Variants in SYT6 observed in about 807,000 individuals in gnomAD.
SYT6 encodes the protein synaptotagmin 6.
Under a neutral mutation model 38.4 loss-of-function variants are expected in SYT6, and 24 were observed. That is an observed-to-expected ratio of 0.62 (90% CI 0.45 to 0.88). The LOEUF (loss-of-function observed/expected upper bound fraction) is 0.88, where lower values mean the gene tolerates loss of function less well. Ranked by LOEUF, SYT6 falls within the 40% of genes least tolerant of loss-of-function variation. SYT6 has a pLI of 0.00. For missense variants in SYT6, 611 were observed against 621.0 expected (o/e 0.98, Z 0.17); for synonymous variants, 265 against 241.9 (o/e 1.10, Z -0.89).
chr1:114,111,228 G>C (rs1227721284), intron 3 of SYT6, among the ~76,000 whole-genome samples: 2 of 152,220 alleles, frequency 1.3e-5, no homozygotes, highest in South Asian at 2.1e-4. Context: ...ATAACATTGA[G>C]TGTTTACTAT....
rs1049128292 is a variant in SYT6 at position 114,099,365 on chromosome 1, G to C, written c.1193-100C>G. 3.2e-6 allele frequency: 4 copies of C among 1,240,144 alleles called. No individual in the cohort carries two copies. In the South Asian group the frequency reaches 6.4e-5, roughly 20 times the overall value. The allele number at this position is 1,240,144 out of a possible 1,614,324, so 76.8% of individuals were successfully genotyped here. On this transcript the variant is annotated intron_variant, in intron 4 of 7. Coordinates refer to ENST00000610222, the MANE Select transcript of SYT6 (RefSeq NM_001253772.2). The stretch of plus-strand genomic sequence containing the variant: ...GGACCGAAGCCCTAGACCTACTGCT[G>C]CTCATCAGATGGTATCAGTGGGTTG...
chr1:114,109,964 C>CGG (rs1210961728), intron 3 of SYT6, among the ~76,000 whole-genome samples: 1 of 152,138 alleles, frequency 6.6e-6, no homozygotes, highest in Non-Finnish European at 1.5e-5. Context: ...AGGGAGTGTT[C>CGG]GGGGCGCATG....
intron 3 of SYT6, among the ~76,000 whole-genome samples, chr1:114,112,109 A>G (rs1293616734): frequency 6.6e-6 from 1 of 152,212 alleles, no homozygotes; most frequent in African/African-American, 2.4e-5. Context: ...CTCTGCCCCA[A>G]GGGCCTTGCA....
At chr1:114,112,919 C>T (rs75045986) in intron 3 of SYT6, among the ~76,000 whole-genome samples, 14 of 152,146 alleles carry the variant, frequency 9.2e-5, no homozygotes, top group Admixed American at 2.0e-4. Context: ...GGGGCTGGGA[C>T]TCTCAGCAGG....
Position 114,139,926 on chromosome 1 carries a change from C to G in SYT6, c.201G>C (p.Val67=). Residue 67 remains valine (V), a synonymous_variant, in exon 2 of 8, where the codon GTG becomes GTC. Transcript: ENST00000610222. Reference sequence around the variant, plus strand: ...AAACTGCCACCAGGGCCACGCCACACACAATAACTACAACTGCGAGGAGGC... The same window carrying G: ...AAACTGCCACCAGGGCCACGCCACAGACAATAACTACAACTGCGAGGAGGC... ...SVSLLAVVVI[V]CGVALVAVFL... is the part of the protein sequence containing the mutation. 2.0e-6 allele frequency: 3 copies of G among 1,523,904 alleles called. No homozygotes were observed. In the East Asian group the frequency reaches 6.8e-5, roughly 35 times the overall value. 94.4% of individuals were successfully genotyped at this position (1,523,904 alleles called of 1,614,324 possible).
chr1:114,122,506 T>TGTGTGTGTGTGTGTGTGTGTGTGCGCGC (rs60780339), intron 3 of SYT6, among the ~76,000 whole-genome samples: 1 of 147,288 alleles, frequency 6.8e-6, no homozygotes, highest in African/African-American at 2.5e-5. Context: ...TGTGTGTGTG[T>TGTGTGTGTGTGTGTGTGTGTGTGCGCGC]GCGCGCACAT....
intron 4 of SYT6, among the ~76,000 whole-genome samples, chr1:114,100,705 G>T (rs2101629757): frequency 6.6e-6 from 1 of 152,342 alleles, no homozygotes; most frequent in African/African-American, 2.4e-5. Context: ...AGAGTTTTGA[G>T]AACCGGCATG....
intron 3 of SYT6, among the ~76,000 whole-genome samples, chr1:114,128,434 T>C (rs1181615911): frequency 6.6e-6 from 1 of 152,202 alleles, no homozygotes. Context: ...CCCTAAGCTA[T>C]GGCCCATATA....
intron 2 of SYT6, among the ~76,000 whole-genome samples, chr1:114,138,544 T>C (rs891080539): frequency 6.6e-6 from 1 of 152,212 alleles, no homozygotes; most frequent in African/African-American, 2.4e-5. Flanking sequence ...TTAGCCTGCA[T>C]AGGTTAATTT....
At chr1:114,129,311 C>T (rs1185179279) in intron 3 of SYT6, among the ~76,000 whole-genome samples, 1 of 152,224 alleles carries the variant, frequency 6.6e-6, no homozygotes, top group Non-Finnish European at 1.5e-5. Context: ...CACTGACTTC[C>T]TGCCTTTCCT....
chr1:114,118,418 A>G (rs1031641697), intron 3 of SYT6, among the ~76,000 whole-genome samples: 1 of 152,212 alleles, frequency 6.6e-6, no homozygotes, highest in Non-Finnish European at 1.5e-5. Flanking sequence ...CCCAGGGAGA[A>G]GCCGAGGCAC....
At chr1:114,096,693 G>A (rs2101622410) in intron 6 of SYT6, among the ~76,000 whole-genome samples, 1 of 152,322 alleles carries the variant, frequency 6.6e-6, no homozygotes, top group African/African-American at 2.4e-5. Context: ...GTGTGGGGAG[G>A]GGATGACTCT....
At chr1:114,113,777 T>C (rs1676829679) in intron 3 of SYT6, among the ~76,000 whole-genome samples, 1 of 152,042 alleles carries the variant, frequency 6.6e-6, no homozygotes, top group Non-Finnish European at 1.5e-5. Context: ...CTTCCCTTGC[T>C]CTCCCGCCCC....
intron 3 of SYT6, among the ~76,000 whole-genome samples, chr1:114,129,564 T>TTTTCTTTCTTTCTTTCTTTCTTTC (rs58281086): frequency 1.9e-4 from 22 of 112,940 alleles, no homozygotes; most frequent in South Asian, 6.3e-4. Flanking sequence ...TTTTTCTTTC[T>TTTTCTTTCTTTCTTTCTTTCTTTC]TTTCTTTCTT....
chr1:114,101,279 G>A (rs893468785), intron 4 of SYT6, among the ~76,000 whole-genome samples: 3 of 152,134 alleles, frequency 2.0e-5, no homozygotes, highest in Non-Finnish European at 2.9e-5. Flanking sequence ...ACAGATGACC[G>A]TTCCCTAGGC....
chr1:114,093,699 C>T, intron 7 of SYT6, 36 bp downstream of exon 7: 2 of 1,593,904 alleles, frequency 1.3e-6, no homozygotes, highest in Non-Finnish European at 1.7e-6. Context: ...AGGTAATAAG[C>T]AACCTAACGT....
rs61312323 is a variant in SYT6, at chr1:114,091,745, C to CTT, written c.*387_*388dup. 11,542 of 254,146 alleles carry CTT rather than the reference C, an allele frequency of 0.045. 43 individuals are homozygous for CTT. The highest frequency in any genetic ancestry group is 0.11 in the East Asian group (1,621 of 14,242). The allele number at this position is 254,146 out of a possible 1,614,324, so 15.7% of individuals were successfully genotyped here. On this transcript the variant is annotated 3_prime_UTR_variant, in exon 8 of 8. Transcript: ENST00000610222. ...TTTCCACCCTTTGTCTTTTCCTACT[C>CTT]TTTTTTTTTTTCCCTTTTCTTACCA...
At chr1:114,130,883 G>C (rs1460083207) in intron 3 of SYT6, among the ~76,000 whole-genome samples, 2 of 152,220 alleles carry the variant, frequency 1.3e-5, no homozygotes, top group Non-Finnish European at 2.9e-5. Context: ...CAAACTGCTA[G>C]TCAATGAGGC....
chr1:114,129,425 G>C (rs147711445), intron 3 of SYT6, among the ~76,000 whole-genome samples: 1 of 148,866 alleles, frequency 6.7e-6, no homozygotes, highest in Non-Finnish European at 1.5e-5. Flanking sequence ...TACCTCTCCC[G>C]CCTCTTACCT....
Sources: gnomAD v4.1 joint callset for allele counts (sites outside exome capture counted in the v4.1 genomes callset) on GRCh38, gnomAD v4.1.1 for gene constraint, MANE v1.5 for transcripts, NCBI Gene and HGNC (gene_info 2026-07-23, HGNC 2026-07-21) for gene names.